QTMAN: variants seen among roughly 807,000 people sequenced by gnomAD.
The protein encoded by QTMAN is tRNA-queuosine alpha-mannosyltransferase.
At chr2:143,993,125 A>G in the QTMAN span, among the ~76,000 whole-genome samples, 1 of 152,186 alleles carries the variant, frequency 6.6e-6, no homozygotes, top group Non-Finnish European at 1.5e-5. Context: ...TCTCCTTCAT[A>G]ACATTTATCA....
At chr2:144,227,000 A>T in the QTMAN span, among the ~76,000 whole-genome samples, 1 of 152,276 alleles carries the variant, frequency 6.6e-6, no homozygotes, top group East Asian at 1.9e-4. Context: ...TGGACATGAA[A>T]TTCTATAGTA....
chr2:144,140,441 T>G, the QTMAN span, among the ~76,000 whole-genome samples: 1 of 151,990 alleles, frequency 6.6e-6, no homozygotes, highest in Non-Finnish European at 1.5e-5. Context: ...AACGTCAAAA[T>G]ATAAGGTTCA....
chr2:143,951,501 G>A, the QTMAN span, among the ~76,000 whole-genome samples: 7 of 151,506 alleles, frequency 4.6e-5, no homozygotes, highest in East Asian at 1.2e-3. Context: ...TAAACTGGAC[G>A]CGAGAAATAT....
At chr2:144,202,249 G>C in the QTMAN span, among the ~76,000 whole-genome samples, 3 of 152,192 alleles carry the variant, frequency 2.0e-5, no homozygotes, top group Non-Finnish European at 4.4e-5. Flanking sequence ...AAGGGCAACA[G>C]AGTATCTGCA....
the QTMAN span, among the ~76,000 whole-genome samples, chr2:144,066,424 A>T: frequency 2.0e-5 from 3 of 152,354 alleles, no homozygotes; most frequent in East Asian, 5.8e-4. Context: ...CAGCAACAAA[A>T]CATTACATTT....
At chr2:144,254,401 G>C in the QTMAN span, among the ~76,000 whole-genome samples, 4 of 152,172 alleles carry the variant, frequency 2.6e-5, no homozygotes, top group Non-Finnish European at 5.9e-5. Flanking sequence ...CAGCCTGGGT[G>C]ACAGGGTGAG....
At chr2:144,326,735 A>C in the QTMAN span, among the ~76,000 whole-genome samples, 1 of 152,180 alleles carries the variant, frequency 6.6e-6, no homozygotes, top group African/African-American at 2.4e-5. Flanking sequence ...ATTTATATCT[A>C]ATCTATATGT....
chr2:144,083,764 A>G, the QTMAN span, among the ~76,000 whole-genome samples: 1 of 151,678 alleles, frequency 6.6e-6, no homozygotes, highest in Non-Finnish European at 1.5e-5. Flanking sequence ...TGAGCTGTGT[A>G]CTCTGGATAC....
the QTMAN span, among the ~76,000 whole-genome samples, chr2:143,987,500 T>C: frequency 6.6e-5 from 10 of 152,236 alleles, no homozygotes; most frequent in Non-Finnish European, 1.5e-4. Context: ...CCAGGCAGAA[T>C]TAGTTCTTCC....
At chr2:144,244,102 T>G in the QTMAN span, among the ~76,000 whole-genome samples, 2 of 152,240 alleles carry the variant, frequency 1.3e-5, no homozygotes, top group African/African-American at 4.8e-5. Flanking sequence ...TCTTTATTTC[T>G]ATATTCAAAT....
At chr2:144,046,438 C>T in the QTMAN span, among the ~76,000 whole-genome samples, 7 of 152,148 alleles carry the variant, frequency 4.6e-5, no homozygotes, top group Admixed American at 6.5e-5. Flanking sequence ...AGACCATAAG[C>T]GCAGTGGTGT....
At chr2:144,240,212 T>C in the QTMAN span, among the ~76,000 whole-genome samples, 1 of 152,130 alleles carries the variant, frequency 6.6e-6, no homozygotes, top group Admixed American at 6.5e-5. Flanking sequence ...GAATTAACAG[T>C]CTGTAGGAAT....
the QTMAN span, among the ~76,000 whole-genome samples, chr2:144,170,799 C>T: frequency 6.6e-6 from 1 of 152,060 alleles, no homozygotes; most frequent in East Asian, 1.9e-4. Flanking sequence ...TACTGAGATT[C>T]TTGATACAAT....
the QTMAN span, among the ~76,000 whole-genome samples, chr2:144,318,485 A>C: frequency 6.6e-6 from 1 of 152,326 alleles, no homozygotes; most frequent in East Asian, 1.9e-4. Flanking sequence ...TCAATGAAAA[A>C]ACAGCTTAAA....
chr2:144,199,086 T>C, the QTMAN span, among the ~76,000 whole-genome samples: 4 of 151,874 alleles, frequency 2.6e-5, no homozygotes, highest in African/African-American at 4.8e-5. Context: ...TCACTCTTGT[T>C]GCGCAGGCTA....
the QTMAN span, among the ~76,000 whole-genome samples, chr2:144,179,634 T>C: frequency 3.3e-5 from 5 of 152,086 alleles, no homozygotes; most frequent in Non-Finnish European, 7.4e-5. Context: ...GATACCGGGC[T>C]CACCTCAAAG....
At chr2:144,241,286 G>A in the QTMAN span, among the ~76,000 whole-genome samples, 6 of 152,200 alleles carry the variant, frequency 3.9e-5, no homozygotes, top group African/African-American at 1.4e-4. Flanking sequence ...GAAAAACACT[G>A]CTTTAGAGTA....
chr2:144,028,783 G>A, the QTMAN span, among the ~76,000 whole-genome samples: 1 of 152,212 alleles, frequency 6.6e-6, no homozygotes, highest in African/African-American at 2.4e-5. Context: ...TGGTGTTAAT[G>A]GCAAAGAAAC....
chr2:144,300,117 T>A, the QTMAN span, among the ~76,000 whole-genome samples: 2 of 151,996 alleles, frequency 1.3e-5, no homozygotes, highest in African/African-American at 4.8e-5. Flanking sequence ...GCCTGGGGAG[T>A]GAGTACCCAC....
Sources: allele counts gnomAD v4.1 joint callset (sites outside exome capture counted in the v4.1 genomes callset), GRCh38; gene constraint gnomAD v4.1.1; transcripts MANE v1.5; gene names NCBI Gene and HGNC (gene_info 2026-07-23, HGNC 2026-07-21).